The following BABAM2 variants were observed in gnomAD, a reference collection of about 807,000 sequenced individuals.
BABAM2 encodes the protein BRISC and BRCA1 A complex member 2.
In BABAM2, 31 loss-of-function variants were observed where a neutral mutation model predicts 54.7. The ratio of observed to expected loss-of-function variants is 0.57; its 90% CI spans 0.43 to 0.77. BABAM2 has a LOEUF of 0.77. Among genes scored for constraint, BABAM2 ranks in the 30% least tolerant of loss-of-function variants. BABAM2 has a pLI of 0.00. For synonymous variants in BABAM2, 167 were observed against 162.9 expected (o/e 1.03, Z -0.19); for missense variants, 364 against 455.8 (o/e 0.80, Z 1.83).
At chr2:28,263,223 A>T (rs1045862306) in intron 10 of BABAM2, among the ~76,000 whole-genome samples, 2 of 152,074 alleles carry the variant, frequency 1.3e-5, no homozygotes, top group African/African-American at 4.8e-5. Flanking sequence ...GTTATGCATA[A>T]ATAATATAAT....
intron 6 of BABAM2, among the ~76,000 whole-genome samples, chr2:28,087,813 C>CT (rs976640355): frequency 6.6e-6 from 1 of 152,042 alleles, no homozygotes; most frequent in African/African-American, 2.4e-5. Flanking sequence ...TATGCCCTGT[C>CT]TAGTTTTTGT....
At chr2:28,311,379 G>C (rs920725254) in intron 11 of BABAM2, among the ~76,000 whole-genome samples, 4 of 152,150 alleles carry the variant, frequency 2.6e-5, no homozygotes, top group Non-Finnish European at 4.4e-5. Flanking sequence ...TTGTGAGTTA[G>C]GGTCACGTAT....
At chr2:28,120,413 C>T (rs13392624) in intron 6 of BABAM2, among the ~76,000 whole-genome samples, 16,561 of 152,132 alleles carry the variant, frequency 0.11, 1,396 homozygotes, top group African/African-American at 0.23. Flanking sequence ...TGCTGAGTCT[C>T]TTCTTTGTGC....
intron 7 of BABAM2, among the ~76,000 whole-genome samples, chr2:28,186,080 T>C (rs545515853): frequency 1.3e-5 from 2 of 152,244 alleles, no homozygotes; most frequent in East Asian, 3.9e-4. Context: ...CAAAACACAG[T>C]GACTCATGAA....
chr2:27,961,500 G>A (rs1670465825), intron 3 of BABAM2, among the ~76,000 whole-genome samples: 2 of 152,096 alleles, frequency 1.3e-5, no homozygotes, highest in African/African-American at 4.8e-5. Context: ...CACATTTAAG[G>A]TAGGCTAGGT....
At chr2:28,317,039 C>A (rs1156949188) in intron 11 of BABAM2, among the ~76,000 whole-genome samples, 1 of 151,988 alleles carries the variant, frequency 6.6e-6, no homozygotes, top group Non-Finnish European at 1.5e-5. Context: ...GATGAGTATC[C>A]CCCAGACCCC....
chr2:28,096,446 G>A (rs1385267559), intron 6 of BABAM2, among the ~76,000 whole-genome samples: 1 of 151,894 alleles, frequency 6.6e-6, no homozygotes, highest in African/African-American at 2.4e-5. Context: ...CTTAGCGGGA[G>A]TGAGGTTGAG....
At chr2:28,018,692 C>G (rs930184654) in intron 4 of BABAM2, among the ~76,000 whole-genome samples, 1 of 152,052 alleles carries the variant, frequency 6.6e-6, no homozygotes, top group Non-Finnish European at 1.5e-5. Flanking sequence ...TGATTTTGGT[C>G]ATTCTTGCAG....
chr2:28,246,992 C>G (rs1254300897), intron 10 of BABAM2, among the ~76,000 whole-genome samples: 2 of 152,220 alleles, frequency 1.3e-5, no homozygotes, highest in Admixed American at 1.3e-4. Context: ...CCTTCTCTGC[C>G]TTTCTATCTT....
intron 5 of BABAM2, 72 bp downstream of exon 5, chr2:28,025,492 G>T (rs750428034): frequency 9.6e-6 from 13 of 1,357,178 alleles, no homozygotes; most frequent in Middle Eastern, 4.2e-4. Flanking sequence ...ATGTCCATTT[G>T]TAAATCCTAG....
rs138119946 is a variant in BABAM2, at chr2:28,288,964, T to G, written c.935-9374T>G. Among the ~76,000 whole-genome samples, 514 of 150,346 alleles carry G rather than the reference T, an allele frequency of 3.4e-3. 3 individuals carry two copies. Among genetic ancestry groups the G allele is most frequent in the Middle Eastern group, 6.9e-3 (2 of 290 alleles). ...CACTCTACCCACTGTGGGTTGTTGT[T>G]TTTTTTTTTTTTCTGAAGACTATTC... On this transcript the variant is annotated intron_variant, in intron 10 of 11. Transcript: ENST00000379624.
chr2:27,973,155 A>C (rs1211571975), intron 3 of BABAM2, among the ~76,000 whole-genome samples: 1 of 152,188 alleles, frequency 6.6e-6, no homozygotes, highest in African/African-American at 2.4e-5. Context: ...TTAAAACCAT[A>C]GTACCTAAAG....
chr2:27,901,061 A>G (rs962869849), intron 2 of BABAM2, among the ~76,000 whole-genome samples: 1 of 150,618 alleles, frequency 6.6e-6, no homozygotes, highest in African/African-American at 2.5e-5. Context: ...AAAAAAAAAA[A>G]AGGAAATTAT....
intron 7 of BABAM2, among the ~76,000 whole-genome samples, chr2:28,199,838 C>T (rs549333755): frequency 1.3e-4 from 20 of 152,252 alleles, no homozygotes; most frequent in African/African-American, 4.6e-4. Flanking sequence ...ACGAAACATC[C>T]TGGACCCTAA....
At chr2:28,337,372 G>T (rs1428528049) in intron 11 of BABAM2, among the ~76,000 whole-genome samples, 1 of 152,162 alleles carries the variant, frequency 6.6e-6, no homozygotes, top group African/African-American at 2.4e-5. Context: ...CCTGATGTGG[G>T]GTTACCCATG....
intron 7 of BABAM2, among the ~76,000 whole-genome samples, chr2:28,138,976 G>A (rs1288105662): frequency 1.3e-5 from 2 of 152,096 alleles, no homozygotes; most frequent in Admixed American, 1.3e-4. Context: ...CAGGAAAACT[G>A]CATATGACAT....
intron 6 of BABAM2, among the ~76,000 whole-genome samples, chr2:28,050,771 C>T (rs1235999963): frequency 6.6e-6 from 1 of 152,010 alleles, no homozygotes; most frequent in African/African-American, 2.4e-5. Flanking sequence ...ATCTTTATGA[C>T]CAAGTTTGGG....
chr2:28,023,600 T>A (rs1183812311), intron 4 of BABAM2, among the ~76,000 whole-genome samples: 1 of 152,216 alleles, frequency 6.6e-6, no homozygotes, highest in Non-Finnish European at 1.5e-5. Context: ...TCTTATTCAC[T>A]GTATGATGCT....
intron 5 of BABAM2, among the ~76,000 whole-genome samples, chr2:28,039,046 G>T (rs528416520): frequency 1.1e-4 from 17 of 152,226 alleles, no homozygotes; most frequent in African/African-American, 4.1e-4. Context: ...ATAATTGATA[G>T]GAGTGATTAT....
Sources: allele counts gnomAD v4.1 joint callset (sites outside exome capture counted in the v4.1 genomes callset), GRCh38; gene constraint gnomAD v4.1.1; transcripts MANE v1.5; gene names NCBI Gene and HGNC (gene_info 2026-07-23, HGNC 2026-07-21).